ADAMTS2: variants seen among roughly 807,000 people sequenced by gnomAD.
ADAMTS2 encodes A disintegrin and metalloproteinase with thrombospondin motifs 2.
Under a neutral mutation model 123.0 loss-of-function variants are expected in ADAMTS2, and 50 were observed. The ratio of observed to expected loss-of-function variants is 0.41; its 90% CI spans 0.32 to 0.51. The LOEUF (loss-of-function observed/expected upper bound fraction) is 0.51. Ranked by LOEUF, ADAMTS2 falls within the 20% of genes least tolerant of loss-of-function variation. The pLI, the probability that ADAMTS2 is intolerant of heterozygous loss-of-function variation, is 0.35. For synonymous variants in ADAMTS2, 678 were observed against 695.4 expected (o/e 0.98, Z 0.39); for missense variants, 1,494 against 1,705.2 (o/e 0.88, Z 2.18).
chr5:179,117,083 A>G lies in ADAMTS2; in HGVS notation c.3179-2759T>C, dbSNP rs3797590. The stretch of plus-strand genomic sequence containing the variant: ...CCCAATATATGAAACAGATAGACTC[A>G]GACTGCTGATGATAGTACTGTTTGA... On this transcript the variant is annotated intron_variant, in intron 21 of 21. Coordinates refer to ENST00000251582, the MANE Select transcript of ADAMTS2 (RefSeq NM_014244.5). This position sits in a 1 kb window ranked among gnomAD's most constrained non-coding sequence, Gnocchi z 4.2. Among the ~76,000 whole-genome samples the G allele has an allele frequency of 0.47, 72,146 of 152,014 alleles. 17,926 individuals are homozygous for G. Among genetic ancestry groups the G allele is most frequent in the African/African-American group, 0.63 (26,311 of 41,460 alleles).
chr5:179,152,289 C>G, intron 9 of ADAMTS2, 34 bp from the exon 10 acceptor site: 1 of 1,597,036 alleles, frequency 6.3e-7, no homozygotes, highest in Non-Finnish European at 8.6e-7. Context: ...CCAGGTCCCT[C>G]CCACCTCAGG....
chr5:179,120,697 C>G (rs1762741343), intron 21 of ADAMTS2: 1 of 152,090 alleles, frequency 6.6e-6, no homozygotes, highest in Non-Finnish European at 1.5e-5. Context: ...CAGTCAGCGC[C>G]GACTGGCCAG....
chr5:179,132,823 G>T lies in ADAMTS2; in HGVS notation c.2163C>A (p.His721Gln), dbSNP rs774087568. The T allele has an allele frequency of 1.1e-5, 18 of 1,614,148 alleles. No homozygotes were observed. In the South Asian group the frequency reaches 1.8e-4, roughly 16 times the overall value. The change falls in exon 14 of 22, where the codon CAC becomes CAA. Residue 721 changes from histidine to glutamine, a missense_variant. By Grantham distance (24) the His-to-Gln change is conservative. Coordinates refer to ENST00000251582, the MANE Select transcript of ADAMTS2 (RefSeq NM_014244.5). The surrounding 1 kb of genome is among the most constrained non-coding windows in gnomAD (Gnocchi z 6.1). ...TGAACGTGCCCTTGACCACTTTGCA[G>T]TGGCTGTTGTCCCCTCCGCACACGC... Reference protein sequence around the residue: ...KCGVCGGDNSHCKVVKGTFTR... With the variant: ...KCGVCGGDNSQCKVVKGTFTR...
At chr5:179,204,647 G>A (rs1046284950) in intron 4 of ADAMTS2, among the ~76,000 whole-genome samples, 13 of 152,324 alleles carry the variant, frequency 8.5e-5, no homozygotes, top group Admixed American at 2.0e-4. Context: ...AGGACTCTCC[G>A]GGCATGCAGA....
At chr5:179,119,537 G>A (rs1399272251) in intron 21 of ADAMTS2, among the ~76,000 whole-genome samples, 1 of 152,230 alleles carries the variant, frequency 6.6e-6, no homozygotes, top group African/African-American at 2.4e-5. Flanking sequence ...TCAGCAATGT[G>A]AGAGAACACA....
rs1764223648 is a variant in ADAMTS2, at chr5:179,188,438, A to G, written c.892-7283T>C. Among the ~76,000 whole-genome samples, 1 of 152,192 alleles carries G rather than the reference A, an allele frequency of 6.6e-6. No homozygotes were observed. Among genetic ancestry groups the G allele is most frequent in the African/African-American group, 2.4e-5 (1 of 41,452 alleles). Reference sequence around the variant, plus strand: ...GAGGTCTGCTGGCCTCCGTGGAGGAAGAGTTTAGGCATTGCATGGTGCCTA... The same window carrying G: ...GAGGTCTGCTGGCCTCCGTGGAGGAGGAGTTTAGGCATTGCATGGTGCCTA... On this transcript the variant is annotated intron_variant, in intron 4 of 21. Transcript: ENST00000251582. The surrounding 1 kb of genome is among the most constrained non-coding windows in gnomAD (Gnocchi z 5.1).
chr5:179,134,818 CCCCAG>C (rs1561771738), intron 13 of ADAMTS2, among the ~76,000 whole-genome samples: 28 of 60,966 alleles, frequency 4.6e-4, no homozygotes, highest in African/African-American at 1.7e-3. Flanking sequence ...CGGCTCCAGC[CCCCAG>C]CTCCCGGCTC....
intron 18 of ADAMTS2, among the ~76,000 whole-genome samples, 184 bp from the exon 19 acceptor site, chr5:179,125,364 G>A (rs1279052156): frequency 3.9e-5 from 6 of 152,176 alleles, no homozygotes; most frequent in Non-Finnish European, 8.8e-5. Context: ...TGCACAGAGG[G>A]GAAACTGAGG....
chr5:179,257,639 G>A (rs939727047), intron 3 of ADAMTS2, among the ~76,000 whole-genome samples: 14 of 152,156 alleles, frequency 9.2e-5, no homozygotes, highest in Non-Finnish European at 1.3e-4. Flanking sequence ...CGCAGGTTTC[G>A]CCTCACAGAA....
At chr5:179,186,053 A>G (rs1435929343) in intron 4 of ADAMTS2, among the ~76,000 whole-genome samples, 1 of 152,026 alleles carries the variant, frequency 6.6e-6, no homozygotes, top group South Asian at 2.1e-4. Flanking sequence ...AGCACAGCAC[A>G]TAGTTCCCCA....
intron 4 of ADAMTS2, among the ~76,000 whole-genome samples, chr5:179,194,846 T>C (rs1331016104): frequency 1.3e-5 from 2 of 152,044 alleles, no homozygotes; most frequent in African/African-American, 2.4e-5. Context: ...GGAGGGGTGT[T>C]TCCAAGGATA....
intron 21 of ADAMTS2, chr5:179,121,365 G>A (rs1016021413): frequency 1.7e-5 from 4 of 233,672 alleles, no homozygotes; most frequent in South Asian, 1.7e-4. Context: ...GGCTCGGCCC[G>A]GAGGGTCGCC....
chr5:179,224,157 C>T (rs910740526), intron 3 of ADAMTS2, among the ~76,000 whole-genome samples: 3 of 152,188 alleles, frequency 2.0e-5, no homozygotes, highest in Non-Finnish European at 4.4e-5. Flanking sequence ...ACAGGGAGAG[C>T]ATGAGGGCGG....
At position 179,260,735 on chromosome 5, in the gene ADAMTS2, C is replaced by T. The variant is rs1202092511; in HGVS notation, c.688+12176G>A. 3.9e-5 allele frequency among the ~76,000 whole-genome samples: 6 copies of T among 152,180 alleles called. No individual in the cohort carries two copies. Among genetic ancestry groups the T allele is most frequent in the African/African-American group, 1.2e-4 (5 of 41,450 alleles). ...GGGCACAGCAAAAGCACCAACCCAC[C>T]GTGGGGCTCATTACAAGAATCCTAG... On this transcript the variant is annotated intron_variant, in intron 3 of 21. Coordinates refer to ENST00000251582, the MANE Select transcript of ADAMTS2 (RefSeq NM_014244.5). The surrounding 1 kb of genome is among the most constrained non-coding windows in gnomAD (Gnocchi z 4.2).
At position 179,256,049 on chromosome 5, in the gene ADAMTS2, C is replaced by G. The variant is rs908664502; in HGVS notation, c.688+16862G>C. ...GTCTCCTTCTCTGTCCCCAGCCTCT[C>G]CCGCAGCTTGGCCTTGGTCCACCGT... On this transcript the variant is annotated intron_variant, in intron 3 of 21. Coordinates refer to ENST00000251582, the MANE Select transcript of ADAMTS2 (RefSeq NM_014244.5). This position sits in a 1 kb window ranked among gnomAD's most constrained non-coding sequence, Gnocchi z 4.1. Among the ~76,000 whole-genome samples, 1 of 152,204 alleles carries G rather than the reference C, an allele frequency of 6.6e-6. No individual in the cohort carries two copies. The highest frequency in any genetic ancestry group is 2.4e-5 in the African/African-American group (1 of 41,444).
At chr5:179,246,001 C>T (rs940854438) in intron 3 of ADAMTS2, among the ~76,000 whole-genome samples, 9 of 152,222 alleles carry the variant, frequency 5.9e-5, no homozygotes, top group East Asian at 1.9e-4. Context: ...ATCTCAGAAT[C>T]GACTTTTTTG....
At position 179,132,200 on chromosome 5, in the gene ADAMTS2, G is replaced by A. The variant is rs1762976334; in HGVS notation, c.2290+30C>T. 6.2e-7 allele frequency: 1 copy of A among 1,607,366 alleles called. No homozygotes were observed. Among genetic ancestry groups the A allele is most frequent in the African/African-American group, 1.3e-5 (1 of 74,876 alleles). On this transcript the variant is annotated intron_variant, in intron 15 of 21. Coordinates refer to ENST00000251582, the MANE Select transcript of ADAMTS2 (RefSeq NM_014244.5). This position sits in a 1 kb window ranked among gnomAD's most constrained non-coding sequence, Gnocchi z 6.1. ...GATCCCAGAGGAGCCAGGTCCTGAG[G>A]ACGTCAAGTTGTCCGGCTCTGAGAC...
chr5:179,122,777 C>T lies in ADAMTS2; in HGVS notation c.2959-4G>A, dbSNP rs2113181889. The T allele has an allele frequency of 1.3e-6, 2 of 1,555,142 alleles. No individual in the cohort carries two copies. Among genetic ancestry groups the T allele is most frequent in the South Asian group, 1.2e-5 (1 of 84,318 alleles). ...CGTTGCCACAGGTTACTGAGCACTGCAGGGGGAGAGTCGCCAGGCAGGGTT... is the reference window on the plus strand; with the variant it reads ...CGTTGCCACAGGTTACTGAGCACTGTAGGGGGAGAGTCGCCAGGCAGGGTT... On this transcript the variant is annotated splice_region_variant and splice_polypyrimidine_tract_variant and intron_variant, in intron 19 of 21. Coordinates refer to ENST00000251582, the MANE Select transcript of ADAMTS2 (RefSeq NM_014244.5).
At chr5:179,193,934 A>T (rs560673965) in intron 4 of ADAMTS2, among the ~76,000 whole-genome samples, 1 of 152,318 alleles carries the variant, frequency 6.6e-6, no homozygotes, top group Admixed American at 6.5e-5. Context: ...TCAGCCCGAC[A>T]GCCCGGCGTG....
Sources: allele counts gnomAD v4.1 joint callset (sites outside exome capture counted in the v4.1 genomes callset), GRCh38; gene constraint gnomAD v4.1.1; non-coding constraint Gnocchi (gnomAD v3.1); transcripts MANE v1.5; gene names NCBI Gene and HGNC (gene_info 2026-07-23, HGNC 2026-07-21).